The following MSRA variants were observed in gnomAD, a reference collection of about 807,000 sequenced individuals.
MSRA encodes mitochondrial peptide methionine sulfoxide reductase.
A neutral mutation model predicts 31.3 loss-of-function variants in MSRA; 54 were observed. The observed-to-expected ratio is 1.73, with a 90% confidence interval of 1.39 to 2.17. The LOEUF (loss-of-function observed/expected upper bound fraction) is 2.17, where lower values mean the gene tolerates loss of function less well. MSRA is among the 30% of genes most tolerant of loss of function. The pLI is 0.00. For synonymous variants in MSRA, 169 were observed against 116.5 expected (o/e 1.45, Z -2.90); for missense variants, 507 against 300.9 (o/e 1.69, Z -5.07).
At chr8:10,079,087 T>G (rs1209027646) in intron 1 of MSRA, among the ~76,000 whole-genome samples, 1 of 152,152 alleles carries the variant, frequency 6.6e-6, no homozygotes, top group Non-Finnish European at 1.5e-5. Context: ...CCGCAGAGTT[T>G]AGCGTTGCCC....
At chr8:10,406,654 G>A (rs1271963769) in intron 5 of MSRA, among the ~76,000 whole-genome samples, 3 of 152,118 alleles carry the variant, frequency 2.0e-5, no homozygotes, top group African/African-American at 4.8e-5. Context: ...TAAGTTAAAC[G>A]GACAACCTAC....
chr8:10,358,610 T>C (rs1352095939), intron 5 of MSRA, among the ~76,000 whole-genome samples: 2 of 87,090 alleles, frequency 2.3e-5, no homozygotes, highest in East Asian at 5.9e-4. Context: ...TTTTTTTTTT[T>C]GAGACGGAGT....
At chr8:10,140,937 A>G (rs1802651411) in intron 1 of MSRA, among the ~76,000 whole-genome samples, 1 of 152,348 alleles carries the variant, frequency 6.6e-6, no homozygotes, top group South Asian at 2.1e-4. Flanking sequence ...AGAGTGAGAC[A>G]CAGACAAAAC....
intron 4 of MSRA, among the ~76,000 whole-genome samples, chr8:10,317,659 G>T (rs1269968160): frequency 6.6e-6 from 1 of 152,182 alleles, no homozygotes; most frequent in African/African-American, 2.4e-5. Context: ...TTCTGAGCCA[G>T]TAATTCTCTT....
chr8:10,218,876 T>C (rs1810239453), intron 2 of MSRA, among the ~76,000 whole-genome samples: 1 of 152,206 alleles, frequency 6.6e-6, no homozygotes, highest in Non-Finnish European at 1.5e-5. Context: ...CAGTACAGAT[T>C]GCTGCAACAG....
chr8:10,059,801 C>G (rs567911180), intron 1 of MSRA, among the ~76,000 whole-genome samples: 4 of 152,146 alleles, frequency 2.6e-5, no homozygotes, highest in Non-Finnish European at 5.9e-5. Context: ...ACACCAACAT[C>G]CATTGGCAAG....
At chr8:10,422,364 G>A (rs1808865770) in intron 5 of MSRA, among the ~76,000 whole-genome samples, 1 of 152,144 alleles carries the variant, frequency 6.6e-6, no homozygotes, top group South Asian at 2.1e-4. Flanking sequence ...AGTGAACTAG[G>A]TAAGGGGCCC....
At chr8:10,201,736 C>G (rs1249078461) in intron 1 of MSRA, among the ~76,000 whole-genome samples, 2 of 152,228 alleles carry the variant, frequency 1.3e-5, no homozygotes, top group African/African-American at 4.8e-5. Context: ...CGATCCCCTT[C>G]AACATCCAGA....
chr8:10,201,328 A>G (rs759179941), intron 1 of MSRA, among the ~76,000 whole-genome samples: 1 of 152,028 alleles, frequency 6.6e-6, no homozygotes, highest in African/African-American at 2.4e-5. Flanking sequence ...GTACTTCTTG[A>G]TGACCGGCAG....
At chr8:10,276,265 C>T (rs891400109) in intron 3 of MSRA, among the ~76,000 whole-genome samples, 6 of 152,212 alleles carry the variant, frequency 3.9e-5, no homozygotes, top group African/African-American at 7.2e-5. Context: ...AGCACATGGT[C>T]GCAGTAAGTG....
chr8:10,363,041 G>T (rs1304622197), intron 5 of MSRA, among the ~76,000 whole-genome samples: 3 of 152,152 alleles, frequency 2.0e-5, no homozygotes, highest in African/African-American at 7.2e-5. Context: ...AGTGACCCTC[G>T]CCAGCCTCAG....
rs113062357 is a variant in MSRA at position 10,424,318 on chromosome 8, G to A, written c.544-3830G>A. Reference sequence around the variant, plus strand: ...GGTAGAAGATGGTGAGGGAGACGATGCTGAGGGGTGAATCAGGGAGAAGGG... The same window carrying A: ...GGTAGAAGATGGTGAGGGAGACGATACTGAGGGGTGAATCAGGGAGAAGGG... On this transcript the variant is annotated intron_variant, in intron 5 of 5. Coordinates refer to ENST00000317173, the MANE Select transcript of MSRA (RefSeq NM_012331.5). Among the ~76,000 whole-genome samples the A allele has an allele frequency of 3.8e-3, 578 of 152,330 alleles. 6 individuals carry two copies. Among genetic ancestry groups the A allele is most frequent in the African/African-American group, 0.013 (521 of 41,562 alleles).
At chr8:10,286,075 G>A (rs28567617) in intron 3 of MSRA, among the ~76,000 whole-genome samples, 11 of 152,174 alleles carry the variant, frequency 7.2e-5, no homozygotes, top group African/African-American at 1.7e-4. Flanking sequence ...ACTGGGCACC[G>A]TGTCTGCCAG....
rs545523472 is a variant in MSRA at position 10,054,448 on chromosome 8, C to T, written c.-69C>T. 33 of 1,433,552 alleles carry T rather than the reference C, an allele frequency of 2.3e-5. No individual in the cohort carries two copies. Among genetic ancestry groups the T allele is most frequent in the South Asian group, 2.3e-4 (18 of 78,910 alleles). 88.8% of individuals were successfully genotyped at this position (1,433,552 alleles called of 1,614,324 possible). Reference sequence around the variant, plus strand: ...TTCCGGCCGCGGACCCCACTCTCTGCCGTTCCGGCTGCGGCTCCGCTGCCG... The same window carrying T: ...TTCCGGCCGCGGACCCCACTCTCTGTCGTTCCGGCTGCGGCTCCGCTGCCG... On this transcript the variant is annotated 5_prime_UTR_variant, in exon 1 of 6. Transcript: ENST00000317173.
chr8:10,075,093 G>T (rs568230285), intron 1 of MSRA, among the ~76,000 whole-genome samples: 1 of 152,136 alleles, frequency 6.6e-6, no homozygotes, highest in Admixed American at 6.5e-5. Flanking sequence ...ATTATTTGAA[G>T]ACTTCATATA....
At chr8:10,120,757 C>T (rs896067492) in intron 1 of MSRA, among the ~76,000 whole-genome samples, 3 of 152,148 alleles carry the variant, frequency 2.0e-5, no homozygotes, top group Non-Finnish European at 4.4e-5. Context: ...CTTGCAGACT[C>T]ACTGTGTTAA....
intron 2 of MSRA, among the ~76,000 whole-genome samples, chr8:10,228,700 G>T (rs1811208470): frequency 6.6e-6 from 1 of 152,094 alleles, no homozygotes; most frequent in Admixed American, 6.6e-5. Context: ...GTCTGCCTTG[G>T]TTCTATCTAT....
At chr8:10,246,136 A>G (rs1340380863) in intron 3 of MSRA, among the ~76,000 whole-genome samples, 1 of 152,172 alleles carries the variant, frequency 6.6e-6, no homozygotes, top group African/African-American at 2.4e-5. Flanking sequence ...AGCTATTCTC[A>G]TTGTTATTAT....
At chr8:10,420,079 C>A (rs187598924) in intron 5 of MSRA, among the ~76,000 whole-genome samples, 4 of 152,176 alleles carry the variant, frequency 2.6e-5, no homozygotes, top group African/African-American at 9.6e-5. Context: ...ATGGCATGTA[C>A]GTAGAGTGGA....
Sources: gnomAD v4.1 joint callset for allele counts (sites outside exome capture counted in the v4.1 genomes callset) on GRCh38, gnomAD v4.1.1 for gene constraint, MANE v1.5 for transcripts, NCBI Gene and HGNC (gene_info 2026-07-23, HGNC 2026-07-21) for gene names.